Variants in PRKG1 observed in about 807,000 individuals in gnomAD.
PRKG1 encodes the protein cGMP-dependent protein kinase 1.
In PRKG1, 35 loss-of-function variants were observed where a neutral mutation model predicts 88.1. The observed-to-expected ratio is 0.40, with a 90% CI of 0.30 to 0.53. The LOEUF (loss-of-function observed/expected upper bound fraction) is 0.53, where lower values mean the gene tolerates loss of function less well. Ranked by LOEUF, PRKG1 falls within the 20% of genes least tolerant of loss-of-function variation. PRKG1 has a pLI of 0.59. For missense variants in PRKG1, 540 were observed against 839.8 expected, an observed-to-expected ratio of 0.64 and a Z score of 4.41; for synonymous variants, 303 against 292.5, an observed-to-expected ratio of 1.04 and a Z score of -0.37.
intron 2 of PRKG1, among the ~76,000 whole-genome samples, chr10:51,154,820 C>A (rs1846166575): frequency 1.3e-5 from 2 of 151,854 alleles, no homozygotes; most frequent in East Asian, 1.9e-4. Context: ...GTACACTTGG[C>A]AGAGAATTGC....
chr10:51,065,133 A>T (rs1018802857), intron 1 of PRKG1, among the ~76,000 whole-genome samples: 1 of 152,110 alleles, frequency 6.6e-6, no homozygotes, highest in Admixed American at 6.6e-5. Flanking sequence ...TTTCTACAAG[A>T]TGTATGTATT....
At chr10:51,609,664 A>C (rs565587122) in intron 3 of PRKG1, among the ~76,000 whole-genome samples, 14 of 152,328 alleles carry the variant, frequency 9.2e-5, no homozygotes, top group African/African-American at 3.1e-4. Flanking sequence ...AGCCATAAAA[A>C]GGAATGAGGT....
chr10:51,733,307 G>A (rs1837168679), intron 3 of PRKG1, among the ~76,000 whole-genome samples: 1 of 152,084 alleles, frequency 6.6e-6, no homozygotes, highest in African/African-American at 2.4e-5. Flanking sequence ...GACAAATTCT[G>A]GAATGCAGAA....
At chr10:51,031,877 C>T (rs148593873) in intron 1 of PRKG1, among the ~76,000 whole-genome samples, 1 of 152,250 alleles carries the variant, frequency 6.6e-6, no homozygotes, top group Non-Finnish European at 1.5e-5. Context: ...AAACCTTGAA[C>T]TAAGAAATGA....
At chr10:52,174,608 T>A (rs904600092) in intron 9 of PRKG1, among the ~76,000 whole-genome samples, 1 of 152,044 alleles carries the variant, frequency 6.6e-6, no homozygotes, top group Non-Finnish European at 1.5e-5. Flanking sequence ...TAAAAATAAT[T>A]GCATTATATG....
At chr10:51,814,465 A>G (rs964727421) in intron 4 of PRKG1, among the ~76,000 whole-genome samples, 7 of 152,162 alleles carry the variant, frequency 4.6e-5, no homozygotes, top group African/African-American at 1.4e-4. Context: ...CTTAAGACTC[A>G]ATGACAGACC....
intron 4 of PRKG1, among the ~76,000 whole-genome samples, chr10:51,851,601 C>G (rs1840557513): frequency 6.6e-6 from 1 of 152,078 alleles, no homozygotes; most frequent in Non-Finnish European, 1.5e-5. Context: ...AATGTATTAC[C>G]TATTCCAAAA....
At chr10:51,050,623 A>C (rs1843548824) in intron 1 of PRKG1, among the ~76,000 whole-genome samples, 1 of 152,184 alleles carries the variant, frequency 6.6e-6, no homozygotes, top group South Asian at 2.1e-4. Flanking sequence ...ATAAACATGA[A>C]CGTGGTGACA....
chr10:52,099,118 T>G (rs1589604925), intron 7 of PRKG1, among the ~76,000 whole-genome samples: 1 of 152,302 alleles, frequency 6.6e-6, no homozygotes, highest in East Asian at 1.9e-4. Flanking sequence ...ACAAGTTGGC[T>G]TCTGTACAGA....
intron 3 of PRKG1, among the ~76,000 whole-genome samples, chr10:51,506,170 A>C (rs944616391): frequency 6.6e-6 from 1 of 152,224 alleles, no homozygotes; most frequent in African/African-American, 2.4e-5. Flanking sequence ...TGGATTAAAG[A>C]CTTAAATGTT....
At chr10:51,482,838 C>T (rs1039597261) in intron 3 of PRKG1, among the ~76,000 whole-genome samples, 3 of 152,064 alleles carry the variant, frequency 2.0e-5, no homozygotes, top group East Asian at 1.9e-4. Context: ...ACGGGTAAGG[C>T]TTACATCAGG....
chr10:52,239,570 C>T (rs990723301), intron 9 of PRKG1, among the ~76,000 whole-genome samples: 1 of 141,578 alleles, frequency 7.1e-6, no homozygotes, highest in Non-Finnish European at 1.5e-5. Context: ...GGCCTGAATG[C>T]CCCCTCCCAG....
At chr10:51,057,417 G>A (rs973066400) in intron 1 of PRKG1, among the ~76,000 whole-genome samples, 2 of 152,044 alleles carry the variant, frequency 1.3e-5, no homozygotes, top group Admixed American at 6.6e-5. Context: ...TTATGCTTCT[G>A]TAATGCATTG....
intron 2 of PRKG1, among the ~76,000 whole-genome samples, chr10:51,372,114 T>C (rs559908492): frequency 3.9e-4 from 60 of 152,310 alleles, no homozygotes; most frequent in African/African-American, 1.4e-3. Flanking sequence ...CAGTATTTCA[T>C]GTCATGTTGG....
chr10:51,459,701 C>G (rs909073828), intron 2 of PRKG1, among the ~76,000 whole-genome samples: 1 of 151,990 alleles, frequency 6.6e-6, no homozygotes, highest in Non-Finnish European at 1.5e-5. Flanking sequence ...AATGGTGGAG[C>G]CAGGATCTGA....
chr10:51,400,522 C>T (rs1837708657), intron 2 of PRKG1, among the ~76,000 whole-genome samples: 1 of 152,120 alleles, frequency 6.6e-6, no homozygotes, highest in South Asian at 2.1e-4. Flanking sequence ...TTTAGAGCTC[C>T]TCTGATTCAA....
chr10:51,662,965 A>G (rs1021721708), intron 3 of PRKG1, among the ~76,000 whole-genome samples: 1 of 152,166 alleles, frequency 6.6e-6, no homozygotes, highest in Non-Finnish European at 1.5e-5. Context: ...AGTAGGCTCT[A>G]CTAGCGAGTT....
chr10:52,141,186 C>T (rs1837571970), intron 8 of PRKG1, among the ~76,000 whole-genome samples: 1 of 152,020 alleles, frequency 6.6e-6, no homozygotes, highest in East Asian at 1.9e-4. Context: ...AAGATAAAAT[C>T]TAGAGGTTTA....
At chr10:52,208,042 T>C (rs1839867127) in intron 9 of PRKG1, among the ~76,000 whole-genome samples, 1 of 152,178 alleles carries the variant, frequency 6.6e-6, no homozygotes, top group Non-Finnish European at 1.5e-5. Context: ...ATTAGATGAC[T>C]TCACAGATAG....
Sources: allele counts gnomAD v4.1 joint callset (sites outside exome capture counted in the v4.1 genomes callset), GRCh38; gene constraint gnomAD v4.1.1; transcripts MANE v1.5; gene names NCBI Gene and HGNC (gene_info 2026-07-23, HGNC 2026-07-21).